AHI1: variants seen among roughly 807,000 people sequenced by gnomAD.
The protein encoded by AHI1 is Abelson helper integration site 1, also known as jouberin.
Under a neutral mutation model 149.3 loss-of-function variants are expected in AHI1, and 123 were observed. The ratio of observed to expected loss-of-function variants is 0.82; its 90% CI spans 0.71 to 0.96. AHI1 has a LOEUF of 0.96. AHI1 is among the 40% of genes least tolerant of loss of function. The pLI, the probability that AHI1 is intolerant of heterozygous loss-of-function variation, is 0.00. For synonymous variants in AHI1, 475 were observed against 459.8 expected, an observed-to-expected ratio of 1.03 and a Z score of -0.42; for missense variants, 1,439 against 1,422.7, an observed-to-expected ratio of 1.01 and a Z score of -0.18.
At chr6:135,440,457 T>C (rs1456901387) in intron 14 of AHI1, among the ~76,000 whole-genome samples, 1 of 152,120 alleles carries the variant, frequency 6.6e-6, no homozygotes, top group Non-Finnish European at 1.5e-5. Context: ...CTCCAAAATA[T>C]TCCTGGGTAT....
intron 13 of AHI1, among the ~76,000 whole-genome samples, chr6:135,445,472 G>C (rs933424523): frequency 6.6e-6 from 1 of 152,180 alleles, no homozygotes; most frequent in African/African-American, 2.4e-5. Flanking sequence ...ATCAAAGTGT[G>C]ATTCAGGAAG....
At chr6:135,449,992 G>T (rs978551132) in intron 11 of AHI1, among the ~76,000 whole-genome samples, 3 of 152,188 alleles carry the variant, frequency 2.0e-5, no homozygotes, top group Non-Finnish European at 4.4e-5. Context: ...CGGATACTCA[G>T]TTTGGAGGAA....
intron 10 of AHI1, 118 bp from the exon 11 acceptor site, chr6:135,453,554 A>T (rs1788462649): frequency 1.4e-6 from 1 of 730,016 alleles, no homozygotes; most frequent in Non-Finnish European, 2.2e-6. Context: ...CTTTACAGGG[A>T]ATAAAAACAT....
intron 14 of AHI1, 113 bp downstream of exon 14, chr6:135,442,469 A>T: frequency 1.8e-6 from 2 of 1,125,862 alleles, no homozygotes; most frequent in Non-Finnish European, 2.3e-6. Flanking sequence ...CGTTTTCTTT[A>T]ATTTAGTAGT....
At chr6:135,310,000 A>G (rs1784975420) in intron 26 of AHI1, among the ~76,000 whole-genome samples, 1 of 152,156 alleles carries the variant, frequency 6.6e-6, no homozygotes, top group African/African-American at 2.4e-5. Context: ...TACTAAAGTA[A>G]AAAAATACAA....
chr6:135,391,375 C>T (rs1279783099), intron 23 of AHI1, among the ~76,000 whole-genome samples: 2 of 152,022 alleles, frequency 1.3e-5, no homozygotes, highest in Non-Finnish European at 2.9e-5. Flanking sequence ...ACTATTCCAC[C>T]TCAGATCAGG....
chr6:135,411,024 CTCTT>C (rs1229563969), intron 21 of AHI1, among the ~76,000 whole-genome samples: 5 of 152,212 alleles, frequency 3.3e-5, no homozygotes, highest in African/African-American at 1.2e-4. Flanking sequence ...GTCACAGCTT[CTCTT>C]TCTTTCCTAG....
At chr6:135,471,063 C>G (rs1296138776) in intron 5 of AHI1, among the ~76,000 whole-genome samples, 1 of 151,806 alleles carries the variant, frequency 6.6e-6, no homozygotes, top group Non-Finnish European at 1.5e-5. Context: ...TCAGTGAGTA[C>G]CAATAATGTA....
chr6:135,350,123 TAA>T (rs1791851937), intron 24 of AHI1, among the ~76,000 whole-genome samples: 1 of 152,230 alleles, frequency 6.6e-6, no homozygotes, highest in African/African-American at 2.4e-5. Flanking sequence ...TTTTCTGAAA[TAA>T]GTCAGTAACA....
At chr6:135,494,280 T>C (rs1291465976) in intron 3 of AHI1, among the ~76,000 whole-genome samples, 4 of 152,186 alleles carry the variant, frequency 2.6e-5, no homozygotes, top group Non-Finnish European at 5.9e-5. Flanking sequence ...GGTTAAATGA[T>C]TTAGAACAGT....
chr6:135,374,129 T>C (rs1775537886), intron 23 of AHI1, among the ~76,000 whole-genome samples: 1 of 96,642 alleles, frequency 1.0e-5, no homozygotes, highest in African/African-American at 3.8e-5. Context: ...TTTTTTTTTT[T>C]TTGAGATGGA....
intron 8 of AHI1, among the ~76,000 whole-genome samples, chr6:135,458,518 A>G (rs1789335435): frequency 6.6e-6 from 1 of 152,184 alleles, no homozygotes; most frequent in Non-Finnish European, 1.5e-5. Context: ...GGACCAAAAC[A>G]AAATAGGCAA....
At chr6:135,397,797 T>A (rs1297957537) in intron 22 of AHI1, among the ~76,000 whole-genome samples, 1 of 152,126 alleles carries the variant, frequency 6.6e-6, no homozygotes, top group East Asian at 1.9e-4. Flanking sequence ...CCCTTTTAGC[T>A]AATTTTAGAT....
chr6:135,478,882 CCT>C (rs1447615960), intron 5 of AHI1, among the ~76,000 whole-genome samples: 1 of 152,248 alleles, frequency 6.6e-6, no homozygotes. Flanking sequence ...GACATGGGGC[CCT>C]GTGTCCCAGC....
intron 18 of AHI1, 64 bp from the exon 19 acceptor site, chr6:135,428,823 A>T: frequency 7.1e-7 from 1 of 1,417,710 alleles, no homozygotes; most frequent in Non-Finnish European, 9.4e-7. Flanking sequence ...GGTGGTATAA[A>T]ATCTTTTCTC....
At chr6:135,358,090 C>T (rs7772864) in intron 24 of AHI1, 42 bp downstream of exon 24, 12 of 1,583,318 alleles carry the variant, frequency 7.6e-6, no homozygotes, top group Non-Finnish European at 9.5e-6. Flanking sequence ...TAATTTTGTA[C>T]TTTCTTAACA....
intron 20 of AHI1, among the ~76,000 whole-genome samples, chr6:135,423,156 T>C (rs1217215228): frequency 6.6e-6 from 1 of 152,160 alleles, no homozygotes; most frequent in African/African-American, 2.4e-5. Context: ...TATGAGATAA[T>C]ATATGTAAAA....
chr6:135,442,194 T>C (rs1398811426), intron 14 of AHI1, among the ~76,000 whole-genome samples: 1 of 152,170 alleles, frequency 6.6e-6, no homozygotes, highest in Non-Finnish European at 1.5e-5. Flanking sequence ...GGTATTCCAC[T>C]ACACAGCAAA....
intron 17 of AHI1, among the ~76,000 whole-genome samples, 196 bp downstream of exon 17, chr6:135,431,012 T>G (rs1784574772): frequency 6.6e-6 from 1 of 152,092 alleles, no homozygotes; most frequent in Non-Finnish European, 1.5e-5. Context: ...GGCCAAAATT[T>G]TAAATCTTCA....
Sources: allele counts gnomAD v4.1 joint callset (sites outside exome capture counted in the v4.1 genomes callset), GRCh38; gene constraint gnomAD v4.1.1; transcripts MANE v1.5; gene names NCBI Gene and HGNC (gene_info 2026-07-23, HGNC 2026-07-21).